RFTN2: variants seen among roughly 807,000 people sequenced by gnomAD.
RFTN2 encodes raftlin-2.
Under a neutral mutation model 52.7 loss-of-function variants are expected in RFTN2, and 34 were observed. That is an observed-to-expected ratio of 0.64 (90% CI 0.49 to 0.86). RFTN2 has a LOEUF of 0.86. RFTN2 is among the 40% of genes least tolerant of loss of function. The probability of loss-of-function intolerance (pLI) is 0.00; values close to 1 mark genes in which losing one functional copy is unlikely to be tolerated. For missense variants in RFTN2, 536 were observed against 600.1 expected (o/e 0.89, Z 1.12); for synonymous variants, 203 against 217.7 (o/e 0.93, Z 0.59).
chr2:197,628,553 T>C (rs1478784445), intron 5 of RFTN2, among the ~76,000 whole-genome samples: 1 of 152,158 alleles, frequency 6.6e-6, no homozygotes, highest in Non-Finnish European at 1.5e-5. Context: ...TGTTCAGCAG[T>C]TAGTCACACA....
In RFTN2 at chr2:197,617,850, T is replaced by C; in HGVS notation, c.1000A>G (p.Ser334Gly). 1 of 1,609,374 alleles carries C rather than the reference T, an allele frequency of 6.2e-7. No homozygotes were observed. The highest frequency in any genetic ancestry group is 8.5e-7 in the Non-Finnish European group (1 of 1,176,692). ...EEEGSGVPGS[S>G]RKGNDAIVVE... Reference sequence around the variant, plus strand: ...ACGATGGCATCATTTCCTTTCCTACTAGAACCTGGAACTCCAGAACCTTCT... The same window carrying C: ...ACGATGGCATCATTTCCTTTCCTACCAGAACCTGGAACTCCAGAACCTTCT... Residue 334 changes from serine to glycine, a missense_variant, in exon 6 of 9, where the codon AGT (serine) becomes GGT (glycine). Coordinates refer to ENST00000295049, the MANE Select transcript of RFTN2 (RefSeq NM_144629.3).
chr2:197,580,694 G>T (rs1330147568), intron 8 of RFTN2, among the ~76,000 whole-genome samples: 1 of 152,142 alleles, frequency 6.6e-6, no homozygotes, highest in Non-Finnish European at 1.5e-5. Context: ...CAATATGGAG[G>T]CTACCCACTC....
At chr2:197,627,726 C>T (rs2088389178) in intron 5 of RFTN2, among the ~76,000 whole-genome samples, 2 of 151,930 alleles carry the variant, frequency 1.3e-5, no homozygotes, top group Admixed American at 6.6e-5. Flanking sequence ...GTAGGAACCT[C>T]GAGGCTAATT....
At chr2:197,596,199 C>CT (rs1270386620) in intron 7 of RFTN2, 130 bp from the exon 8 acceptor site, 6 of 473,908 alleles carry the variant, frequency 1.3e-5, no homozygotes, top group African/African-American at 4.0e-5. Context: ...AAATATAAAT[C>CT]TTTTTTTTCT....
At chr2:197,600,918 A>G (rs1199146158) in intron 7 of RFTN2, among the ~76,000 whole-genome samples, 1 of 152,214 alleles carries the variant, frequency 6.6e-6, no homozygotes, top group Non-Finnish European at 1.5e-5. Context: ...AAATTCTGAA[A>G]AAGTTCTAGT....
At chr2:197,626,617 C>CTTTTTTTTT (rs71012985) in intron 5 of RFTN2, among the ~76,000 whole-genome samples, 4 of 90,950 alleles carry the variant, frequency 4.4e-5, no homozygotes, top group African/African-American at 9.1e-5. Flanking sequence ...GAATAATCTT[C>CTTTTTTTTT]TTTTTTTTTT....
intron 5 of RFTN2, among the ~76,000 whole-genome samples, chr2:197,624,768 C>T (rs1399359964): frequency 1.3e-5 from 2 of 151,968 alleles, no homozygotes; most frequent in East Asian, 3.9e-4. Context: ...CAAGACCAGC[C>T]TGGGCAACAT....
At chr2:197,660,221 G>C (rs1330545631) in intron 1 of RFTN2, among the ~76,000 whole-genome samples, 1 of 152,224 alleles carries the variant, frequency 6.6e-6, no homozygotes, top group Non-Finnish European at 1.5e-5. Context: ...ATTCCGACAT[G>C]AGCTGGGTTA....
At chr2:197,670,916 C>T (rs940751796) in intron 1 of RFTN2, among the ~76,000 whole-genome samples, 1 of 152,126 alleles carries the variant, frequency 6.6e-6, no homozygotes, top group Non-Finnish European at 1.5e-5. Context: ...TCTTTCTGTC[C>T]CTTCAAATCC....
intron 3 of RFTN2, among the ~76,000 whole-genome samples, chr2:197,641,366 A>G (rs1335350755): frequency 6.6e-6 from 1 of 152,216 alleles, no homozygotes; most frequent in African/African-American, 2.4e-5. Flanking sequence ...GTAACCATTT[A>G]AAACAACCAC....
chr2:197,580,666 A>G (rs950527286), intron 8 of RFTN2, among the ~76,000 whole-genome samples: 4 of 152,164 alleles, frequency 2.6e-5, no homozygotes, highest in African/African-American at 9.7e-5. Flanking sequence ...TGGAAATTAA[A>G]TCCATCCTCT....
intron 4 of RFTN2, among the ~76,000 whole-genome samples, chr2:197,633,272 T>C (rs2088495880): frequency 6.6e-6 from 1 of 152,222 alleles, no homozygotes; most frequent in East Asian, 1.9e-4. Context: ...CACATTCTAG[T>C]TGATGATCAA....
chr2:197,631,329 G>A, intron 4 of RFTN2, 109 bp from the exon 5 acceptor site: 1 of 802,132 alleles, frequency 1.2e-6, no homozygotes, highest in Non-Finnish European at 2.1e-6. Context: ...CAAGCACTCA[G>A]CTTAATCAAA....
chr2:197,625,468 G>A (rs1432404683), intron 5 of RFTN2, among the ~76,000 whole-genome samples: 1 of 152,002 alleles, frequency 6.6e-6, no homozygotes, highest in African/African-American at 2.4e-5. Flanking sequence ...GCCCAGAGGT[G>A]GGCCCGGGAG....
chr2:197,605,804 T>G (rs1283978559), intron 7 of RFTN2, among the ~76,000 whole-genome samples: 1 of 152,148 alleles, frequency 6.6e-6, no homozygotes, highest in Non-Finnish European at 1.5e-5. Flanking sequence ...GGAAAATCAT[T>G]TACTATTCCA....
At chr2:197,641,660 T>A (rs1032676810) in intron 3 of RFTN2, among the ~76,000 whole-genome samples, 2 of 152,206 alleles carry the variant, frequency 1.3e-5, no homozygotes, top group African/African-American at 4.8e-5. Context: ...GAAAAATACT[T>A]ACAAACTGAA....
chr2:197,640,260 C>T (rs1159289180), intron 3 of RFTN2, among the ~76,000 whole-genome samples: 2 of 152,138 alleles, frequency 1.3e-5, no homozygotes, highest in Non-Finnish European at 2.9e-5. Flanking sequence ...TGGTGGGCTC[C>T]ACCCAGTTGG....
At chr2:197,661,117 CAT>C (rs2088970848) in intron 1 of RFTN2, among the ~76,000 whole-genome samples, 1 of 152,080 alleles carries the variant, frequency 6.6e-6, no homozygotes, top group African/African-American at 2.4e-5. Flanking sequence ...TTTAAGCTCC[CAT>C]ATATGAGTGA....
intron 5 of RFTN2, among the ~76,000 whole-genome samples, chr2:197,620,522 A>C (rs552271057): frequency 2.2e-4 from 33 of 152,400 alleles, no homozygotes; most frequent in African/African-American, 7.7e-4. Flanking sequence ...AAGATAAAAA[A>C]GACAAAAGTA....
Sources: allele counts gnomAD v4.1 joint callset (sites outside exome capture counted in the v4.1 genomes callset), GRCh38; gene constraint gnomAD v4.1.1; transcripts MANE v1.5; gene names NCBI Gene and HGNC (gene_info 2026-07-23, HGNC 2026-07-21).